LAMA3: variants seen among roughly 807,000 people sequenced by gnomAD.
The protein encoded by LAMA3 is laminin subunit alpha-3.
Under a neutral mutation model 402.0 loss-of-function variants are expected in LAMA3, and 281 were observed. The ratio of observed to expected loss-of-function variants is 0.70; its 90% confidence interval spans 0.63 to 0.77. The LOEUF (loss-of-function observed/expected upper bound fraction) is 0.77, where lower values mean the gene tolerates loss of function less well. Ranked by LOEUF, LAMA3 falls within the 30% of genes least tolerant of loss-of-function variation. The probability of loss-of-function intolerance (pLI) is 0.00; values close to 1 mark genes in which losing one functional copy is unlikely to be tolerated. For synonymous variants in LAMA3, 1,431 were observed against 1,558.4 expected (o/e 0.92, Z 1.93); for missense variants, 3,840 against 4,215.5 (o/e 0.91, Z 2.47).
chr18:23,831,170 T>G (rs1390922689), intron 23 of LAMA3, among the ~76,000 whole-genome samples: 1 of 152,234 alleles, frequency 6.6e-6, no homozygotes, highest in Non-Finnish European at 1.5e-5. Context: ...CCACGTCTGC[T>G]CTGCCCATTG....
At chr18:23,706,024 GA>G (rs2060883337) in intron 1 of LAMA3, among the ~76,000 whole-genome samples, 1 of 151,836 alleles carries the variant, frequency 6.6e-6, no homozygotes, top group Admixed American at 6.6e-5. Flanking sequence ...TACGTATTTC[GA>G]AAAAGTAGGT....
At chr18:23,767,582 T>C (rs796232447) in intron 8 of LAMA3, among the ~76,000 whole-genome samples, 4 of 146,960 alleles carry the variant, frequency 2.7e-5, no homozygotes, top group African/African-American at 5.0e-5. Flanking sequence ...TCTTTTCTTT[T>C]TTTTTTTTTT....
chr18:23,790,274 T>G (rs909526584), intron 12 of LAMA3, among the ~76,000 whole-genome samples: 1 of 152,194 alleles, frequency 6.6e-6, no homozygotes, highest in Admixed American at 6.5e-5. Context: ...GAAATCAATT[T>G]AGAGGGTATG....
intron 11 of LAMA3, 32 bp downstream of exon 11, chr18:23,777,651 T>G: frequency 6.8e-7 from 1 of 1,477,190 alleles, no homozygotes; most frequent in Non-Finnish European, 9.5e-7. Context: ...TTAACTCCAG[T>G]GAAAATGTTA....
In LAMA3 at chr18:23,854,858, G is replaced by A. The variant is rs553123082; in HGVS notation, c.4137-2986G>A. Among the ~76,000 whole-genome samples, 68 of 143,108 alleles carry A rather than the reference G, an allele frequency of 4.8e-4. No homozygotes were observed. The East Asian group carries it at 9.2e-3, about 19-fold the overall frequency. 93.9% of individuals were successfully genotyped at this position (143,108 alleles called of 152,430 possible). ...AAATTAGCTGGGCATGGTGGTAGGC[G>A]CCTGTAGTCCCAGCTACTCGGGAGG... On this transcript the variant is annotated intron_variant, in intron 32 of 74. Coordinates refer to ENST00000313654, the MANE Select transcript of LAMA3 (RefSeq NM_198129.4).
intron 15 of LAMA3, among the ~76,000 whole-genome samples, chr18:23,814,854 T>C (rs2063144755): frequency 6.6e-6 from 1 of 152,242 alleles, no homozygotes; most frequent in Non-Finnish European, 1.5e-5. Context: ...TTAAGGATAC[T>C]GAATAACCTT....
At chr18:23,774,878 G>C (rs913463515) in intron 9 of LAMA3, among the ~76,000 whole-genome samples, 3 of 152,176 alleles carry the variant, frequency 2.0e-5, no homozygotes, top group Non-Finnish European at 4.4e-5. Flanking sequence ...TCTATCACCT[G>C]TCTTGTGCCT....
intron 25 of LAMA3, among the ~76,000 whole-genome samples, chr18:23,837,570 GATATATATAT>G (rs56179962): frequency 1.6e-4 from 13 of 83,284 alleles, no homozygotes; most frequent in African/African-American, 3.1e-4. Context: ...CAGTTAATCA[GATATATATAT>G]ATATATATAT....
intron 7 of LAMA3, among the ~76,000 whole-genome samples, chr18:23,763,046 A>T (rs1468481472): frequency 6.6e-6 from 1 of 151,976 alleles, no homozygotes; most frequent in Non-Finnish European, 1.5e-5. Context: ...TAGTAGAGAC[A>T]GGGTTTCACC....
At chr18:23,816,328 G>A (rs906550647) in intron 17 of LAMA3, 60 bp from the exon 18 acceptor site, 2 of 1,313,968 alleles carry the variant, frequency 1.5e-6, no homozygotes, top group South Asian at 1.2e-5. Flanking sequence ...TGTACAGCAG[G>A]GGAGGCGCTC....
At chr18:23,736,426 A>T (rs2061476390) in intron 2 of LAMA3, among the ~76,000 whole-genome samples, 1 of 151,600 alleles carries the variant, frequency 6.6e-6, no homozygotes, top group African/African-American at 2.4e-5. Flanking sequence ...CACATTGATC[A>T]TATTGTCCCA....
At chr18:23,813,216 T>G (rs1404559557) in intron 14 of LAMA3, 113 bp downstream of exon 14, 1 of 748,030 alleles carries the variant, frequency 1.3e-6, no homozygotes, top group African/African-American at 1.7e-5. Flanking sequence ...AAGGCTAAAT[T>G]GCTTAAAGAG....
chr18:23,921,702 C>T (rs2081846347), intron 62 of LAMA3, 117 bp downstream of exon 62: 2 of 996,064 alleles, frequency 2.0e-6, no homozygotes, highest in Admixed American at 3.5e-5. Flanking sequence ...AAAAAGTTAA[C>T]TTTTCCATAT....
chr18:23,863,431 C>T (rs1390269858), intron 35 of LAMA3, among the ~76,000 whole-genome samples: 2 of 152,146 alleles, frequency 1.3e-5, no homozygotes, highest in African/African-American at 2.4e-5. Context: ...GGCGACAGAG[C>T]GAGACTCCAT....
chr18:23,889,922 C>A (rs2080594583), intron 41 of LAMA3, 89 bp from the exon 42 acceptor site: 1 of 974,130 alleles, frequency 1.0e-6, no homozygotes. Context: ...GTTACAATAT[C>A]CCAAACAGAG....
chr18:23,870,047 G>A (rs1221901727), intron 37 of LAMA3, among the ~76,000 whole-genome samples: 1 of 152,092 alleles, frequency 6.6e-6, no homozygotes, highest in Non-Finnish European at 1.5e-5. Context: ...GCTCACACCT[G>A]TAATTGCAGC....
At chr18:23,711,107 T>C (rs981121146) in intron 1 of LAMA3, among the ~76,000 whole-genome samples, 1 of 152,224 alleles carries the variant, frequency 6.6e-6, no homozygotes, top group Non-Finnish European at 1.5e-5. Context: ...TTTTTTCCAA[T>C]AGTCCTTAGA....
At chr18:23,728,496 AG>A (rs2061335937) in intron 2 of LAMA3, among the ~76,000 whole-genome samples, 1 of 152,118 alleles carries the variant, frequency 6.6e-6, no homozygotes, top group Non-Finnish European at 1.5e-5. Context: ...CCTTCAGCCC[AG>A]GGTAGGAGAG....
chr18:23,846,281 G>A lies in LAMA3; in HGVS notation c.3720-16G>A. 1.9e-6 allele frequency: 3 copies of A among 1,613,980 alleles called. No homozygotes were observed. The highest frequency in any genetic ancestry group is 2.2e-5 in the South Asian group (2 of 91,084). ...ACCTCCCCAGGCATCACCATGAGTT[G>A]TTTCTGTCTCCACAGCCCCCAGACA... On this transcript the variant is annotated splice_polypyrimidine_tract_variant and intron_variant, in intron 30 of 74. Coordinates refer to ENST00000313654, the MANE Select transcript of LAMA3 (RefSeq NM_198129.4).
Sources: allele counts gnomAD v4.1 joint callset (sites outside exome capture counted in the v4.1 genomes callset), GRCh38; gene constraint gnomAD v4.1.1; transcripts MANE v1.5; gene names NCBI Gene and HGNC (gene_info 2026-07-23, HGNC 2026-07-21).